The following ARL13B variants were observed in gnomAD, a reference collection of about 807,000 sequenced individuals.
ARL13B encodes ARF like GTPase 13B.
Under a neutral mutation model 56.1 loss-of-function variants are expected in ARL13B, and 36 were observed. That is an observed-to-expected ratio of 0.64 (90% CI 0.49 to 0.85). The LOEUF is 0.85. Ranked by LOEUF, ARL13B falls within the 40% of genes least tolerant of loss-of-function variation. The pLI is 0.00. For synonymous variants in ARL13B, 178 were observed against 171.1 expected, an observed-to-expected ratio of 1.04 and a Z score of -0.32; for missense variants, 519 against 507.1, an observed-to-expected ratio of 1.02 and a Z score of -0.23.
At chr3:94,024,995 G>C (rs2076526442) in intron 3 of ARL13B, among the ~76,000 whole-genome samples, 1 of 152,190 alleles carries the variant, frequency 6.6e-6, no homozygotes. Flanking sequence ...TTGGAGCACA[G>C]TGTACACAGG....
intron 3 of ARL13B, among the ~76,000 whole-genome samples, chr3:94,017,711 G>C (rs2107503174): frequency 6.6e-6 from 1 of 152,342 alleles, no homozygotes; most frequent in African/African-American, 2.4e-5. Context: ...TAATCAGGCA[G>C]GGTCTCTAAG....
intron 6 of ARL13B, among the ~76,000 whole-genome samples, chr3:94,040,686 GTT>G (rs61346850): frequency 9.3e-5 from 12 of 129,314 alleles, no homozygotes; most frequent in South Asian, 2.5e-4. Context: ...TACCTGGAAG[GTT>G]TTTTTTTTTT....
chr3:94,044,559 TCTGC>T (rs1209077346), intron 7 of ARL13B, among the ~76,000 whole-genome samples: 1 of 134,408 alleles, frequency 7.4e-6, no homozygotes, highest in Admixed American at 7.6e-5. Context: ...GAGGAGCGCC[TCTGC>T]CTGGCCGCCA....
chr3:94,023,425 G>A (rs920251508), intron 3 of ARL13B, among the ~76,000 whole-genome samples: 1 of 151,798 alleles, frequency 6.6e-6, no homozygotes, highest in Non-Finnish European at 1.5e-5. Context: ...AGGTCTTGAT[G>A]CATTTATTTG....
rs1445399990 is a variant in ARL13B at position 94,053,520 on chromosome 3, C to T, written c.*257C>T. The T allele has an allele frequency of 1.3e-5, 8 of 600,932 alleles. No individual in the cohort carries two copies. The East Asian group carries it at 2.5e-4, about 19-fold the overall frequency. 37.2% of individuals were successfully genotyped at this position (600,932 alleles called of 1,614,324 possible). On this transcript the variant is annotated 3_prime_UTR_variant, in exon 10 of 10. Transcript: ENST00000394222. ...AAATTAGCAAGATTTACTGTTGACT[C>T]TGGTTTATACATCCCCACTCATGAG...
intron 1 of ARL13B, among the ~76,000 whole-genome samples, chr3:93,993,892 T>C (rs1243296433): frequency 1.3e-5 from 2 of 152,230 alleles, no homozygotes; most frequent in African/African-American, 2.4e-5. Flanking sequence ...TGTGGGTCTT[T>C]GTGGCATTCC....
intron 3 of ARL13B, among the ~76,000 whole-genome samples, chr3:94,027,052 C>A: frequency 6.6e-6 from 1 of 151,980 alleles, no homozygotes; most frequent in East Asian, 1.9e-4. Flanking sequence ...GGGATAGATA[C>A]TTAGTGTATT....
At chr3:93,986,262 G>A (rs1267416156) in intron 1 of ARL13B, among the ~76,000 whole-genome samples, 1 of 152,024 alleles carries the variant, frequency 6.6e-6, no homozygotes, top group Non-Finnish European at 1.5e-5. Flanking sequence ...CTTGATCAGG[G>A]CTTAAAAGCA....
chr3:93,986,500 CT>C (rs759607538), intron 1 of ARL13B, among the ~76,000 whole-genome samples: 1 of 151,804 alleles, frequency 6.6e-6, no homozygotes, highest in Non-Finnish European at 1.5e-5. Context: ...GTTCTAAAGT[CT>C]TTTTTTGTAT....
rs140290819 is a variant in ARL13B, at chr3:94,035,347, G to T, written c.397G>T (p.Asp133Tyr). ...KPILVLANKQDKEGALGEADV... is the reference protein window; with the variant it reads ...KPILVLANKQYKEGALGEADV... ...ATCTTTCAGGTTGGCAAATAAACAA[G>T]ATAAAGAAGGAGCTTTAGGAGAAGC... is the stretch of plus-strand genomic sequence containing the variant. The change falls in exon 4 of 10, where the codon GAT (aspartate) becomes TAT (tyrosine). Residue 133 changes from aspartate to tyrosine, a missense_variant. Transcript: ENST00000394222. The T allele has an allele frequency of 5.8e-5, 93 of 1,609,092 alleles. No homozygotes were observed. Among genetic ancestry groups the T allele is most frequent in the Non-Finnish European group, 7.1e-5 (84 of 1,178,304 alleles).
At chr3:94,014,738 A>G in intron 3 of ARL13B, 2 of 1,613,092 alleles carry the variant, frequency 1.2e-6, no homozygotes, top group Non-Finnish European at 1.7e-6. Context: ...TCTTCTTCAG[A>G]CATCTCTTTT....
chr3:94,003,259 A>G (rs1377665904), intron 2 of ARL13B, among the ~76,000 whole-genome samples: 11 of 152,028 alleles, frequency 7.2e-5, no homozygotes, highest in Admixed American at 7.2e-4. Context: ...TCTATTCTCT[A>G]AGTGTTCATG....
At chr3:93,991,365 T>C (rs1169468597) in intron 1 of ARL13B, among the ~76,000 whole-genome samples, 2 of 152,290 alleles carry the variant, frequency 1.3e-5, no homozygotes, top group East Asian at 3.9e-4. Context: ...TGTATGTATG[T>C]GTGCATGCAT....
rs564949323 is a variant in ARL13B, at chr3:93,992,041, T to C, written c.60-3833T>C. Among the ~76,000 whole-genome samples, 12 of 152,344 alleles carry C rather than the reference T, an allele frequency of 7.9e-5. No individual in the cohort carries two copies. The South Asian group carries it at 1.2e-3, about 16-fold the overall frequency. On this transcript the variant is annotated intron_variant, in intron 1 of 9. Transcript: ENST00000394222. Reference sequence around the variant, plus strand: ...CACTATTATAATTCTCTAAAGTGATTTTCTTCTTTGAAGGACATTTTTGTT... The same window carrying C: ...CACTATTATAATTCTCTAAAGTGATCTTCTTCTTTGAAGGACATTTTTGTT...
At chr3:94,046,526 G>C (rs963359521) in intron 7 of ARL13B, among the ~76,000 whole-genome samples, 6 of 151,322 alleles carry the variant, frequency 4.0e-5, no homozygotes, top group African/African-American at 1.2e-4. Flanking sequence ...CTTTTTTATT[G>C]CTCTGAGGTA....
At chr3:94,029,771 A>G (rs966937780) in intron 3 of ARL13B, among the ~76,000 whole-genome samples, 1 of 152,140 alleles carries the variant, frequency 6.6e-6, no homozygotes, top group Non-Finnish European at 1.5e-5. Context: ...TGGAAACACA[A>G]AAGTCCTTCA....
intron 2 of ARL13B, among the ~76,000 whole-genome samples, chr3:93,999,651 A>G (rs2076022364): frequency 6.6e-6 from 1 of 152,168 alleles, no homozygotes; most frequent in Non-Finnish European, 1.5e-5. Context: ...TTCAAATACT[A>G]GGTTTTATTC....
chr3:94,036,400 A>T, intron 4 of ARL13B, 152 bp from the exon 5 acceptor site: 1 of 718,188 alleles, frequency 1.4e-6, no homozygotes. Flanking sequence ...TAATCATTGC[A>T]GTGCTATGTT....
intron 3 of ARL13B, among the ~76,000 whole-genome samples, chr3:94,012,105 C>T (rs910101750): frequency 1.3e-5 from 2 of 152,024 alleles, no homozygotes; most frequent in South Asian, 2.1e-4. Flanking sequence ...ATTAACTCCT[C>T]TTCTTCTTTG....
Sources: allele counts gnomAD v4.1 joint callset (sites outside exome capture counted in the v4.1 genomes callset), GRCh38; gene constraint gnomAD v4.1.1; transcripts MANE v1.5; gene names NCBI Gene and HGNC (gene_info 2026-07-23, HGNC 2026-07-21).